The following GABRB1 variants were observed in gnomAD, a reference collection of about 807,000 sequenced individuals.
The protein encoded by GABRB1 is gamma-aminobutyric acid type A receptor subunit beta1.
GABRB1 carries 17 observed loss-of-function variants against 51.6 expected under a neutral mutation model. The observed-to-expected ratio is 0.33, with a 90% CI of 0.23 to 0.49. The LOEUF is 0.49. GABRB1 is among the 20% of genes least tolerant of loss of function. The probability of loss-of-function intolerance (pLI) is 0.99; values close to 1 mark genes in which losing one functional copy is unlikely to be tolerated. For synonymous variants in GABRB1, 247 were observed against 218.9 expected, an observed-to-expected ratio of 1.13 and a Z score of -1.14; for missense variants, 410 against 600.6, an observed-to-expected ratio of 0.68 and a Z score of 3.32.
rs548838124 is a variant in GABRB1 at position 47,266,599 on chromosome 4, G to A, written c.462-53528G>A. Among the ~76,000 whole-genome samples, 25 of 152,188 alleles carry A rather than the reference G, an allele frequency of 1.6e-4. No individual in the cohort carries two copies. The East Asian group carries it at 4.4e-3, about 27-fold the overall frequency. On this transcript the variant is annotated intron_variant, in intron 4 of 8. Coordinates refer to ENST00000295454, the MANE Select transcript of GABRB1 (RefSeq NM_000812.4). ...ATTGGTATAGTTTTGAGAGTTCCTC[G>A]TGGAATTAATTTCTACTTTATTTCA...
At chr4:47,420,943 A>ACACACAC (rs1729073225) in intron 8 of GABRB1, among the ~76,000 whole-genome samples, 2 of 140,970 alleles carry the variant, frequency 1.4e-5, no homozygotes, top group African/African-American at 5.5e-5. Context: ...TACACACACA[A>ACACACAC]ACACACACAC....
intron 4 of GABRB1, among the ~76,000 whole-genome samples, chr4:47,243,499 T>C (rs1269185339): frequency 6.6e-6 from 1 of 152,270 alleles, no homozygotes; most frequent in African/African-American, 2.4e-5. Context: ...TTTCACAATA[T>C]TGATTCTTCC....
intron 3 of GABRB1, among the ~76,000 whole-genome samples, chr4:47,056,594 G>A (rs1726615184): frequency 6.6e-6 from 1 of 152,122 alleles, no homozygotes; most frequent in Non-Finnish European, 1.5e-5. Context: ...TGGACAAACT[G>A]GTTGGGAATC....
At chr4:47,040,816 T>A (rs1434372980) in intron 3 of GABRB1, among the ~76,000 whole-genome samples, 1 of 152,132 alleles carries the variant, frequency 6.6e-6, no homozygotes, top group African/African-American at 2.4e-5. Flanking sequence ...CAGAATGGAA[T>A]AGAGTCAACT....
intron 4 of GABRB1, among the ~76,000 whole-genome samples, chr4:47,279,083 AATGGATGGATGGATGGATGGATGG>A: frequency 6.8e-6 from 1 of 147,388 alleles, no homozygotes; most frequent in South Asian, 2.2e-4. Flanking sequence ...CTTTCTTAGG[AATGGATGGATGGATGGATGGATGG>A]ATGGATGGAT....
intron 4 of GABRB1, among the ~76,000 whole-genome samples, chr4:47,281,483 T>TG (rs1056104459): frequency 6.6e-6 from 1 of 152,112 alleles, no homozygotes; most frequent in Non-Finnish European, 1.5e-5. Flanking sequence ...GGAAAATGTA[T>TG]GGGGGCTCCT....
chr4:47,027,204 T>C (rs1424292047), upstream of GABRB1, among the ~76,000 whole-genome samples: 2 of 151,594 alleles, frequency 1.3e-5, no homozygotes, highest in African/African-American at 4.8e-5. Flanking sequence ...TTGGCTAGAA[T>C]TATACCTGAA....
chr4:47,104,927 G>T (rs933936933), intron 3 of GABRB1, among the ~76,000 whole-genome samples: 1 of 151,746 alleles, frequency 6.6e-6, no homozygotes, highest in African/African-American at 2.4e-5. Flanking sequence ...ATCTATATCT[G>T]GTCCTATACA....
chr4:47,214,745 C>A (rs983862775), intron 4 of GABRB1, among the ~76,000 whole-genome samples: 2 of 152,122 alleles, frequency 1.3e-5, no homozygotes, highest in Non-Finnish European at 2.9e-5. Flanking sequence ...ATAGTATCCT[C>A]CCATCTCCCA....
At chr4:47,024,460 TA>T (rs1252827192) in intron 1 of GABRB1, among the ~76,000 whole-genome samples, 1 of 152,032 alleles carries the variant, frequency 6.6e-6, no homozygotes, top group Non-Finnish European at 1.5e-5. Flanking sequence ...ATTCGATATT[TA>T]TTCAGCTTTA....
intron 4 of GABRB1, among the ~76,000 whole-genome samples, chr4:47,318,499 C>A (rs1469047704): frequency 6.6e-6 from 1 of 151,970 alleles, no homozygotes; most frequent in Non-Finnish European, 1.5e-5. Flanking sequence ...TCACACTTCC[C>A]ACTATTAGAG....
At chr4:47,051,050 T>G (rs1215840689) in intron 3 of GABRB1, among the ~76,000 whole-genome samples, 2 of 152,108 alleles carry the variant, frequency 1.3e-5, no homozygotes, top group East Asian at 3.9e-4. Flanking sequence ...CCATTAAAAC[T>G]CATCAAAACT....
At chr4:47,129,736 C>T (rs1716325501) in intron 3 of GABRB1, among the ~76,000 whole-genome samples, 1 of 152,106 alleles carries the variant, frequency 6.6e-6, no homozygotes, top group African/African-American at 2.4e-5. Flanking sequence ...GTAGATTAGA[C>T]ATTGGTTGGG....
intron 1 of GABRB1, among the ~76,000 whole-genome samples, chr4:47,000,339 A>G: frequency 6.6e-6 from 1 of 152,240 alleles, no homozygotes; most frequent in East Asian, 1.9e-4. Flanking sequence ...CTGTTTATGT[A>G]AGCTTTATCT....
At chr4:47,113,881 AACAG>A (rs1453912871) in intron 3 of GABRB1, among the ~76,000 whole-genome samples, 1 of 152,252 alleles carries the variant, frequency 6.6e-6, no homozygotes, top group Non-Finnish European at 1.5e-5. Context: ...GTTGTTAAAT[AACAG>A]ACAGGATCCA....
intron 3 of GABRB1, among the ~76,000 whole-genome samples, chr4:47,150,935 A>G (rs145983345): frequency 6.6e-6 from 1 of 152,132 alleles, no homozygotes; most frequent in Non-Finnish European, 1.5e-5. Context: ...TTTTTAAAAT[A>G]CAAGGTGGTA....
At chr4:47,126,746 G>C (rs1339911468) in intron 3 of GABRB1, among the ~76,000 whole-genome samples, 1 of 152,020 alleles carries the variant, frequency 6.6e-6, no homozygotes, top group Non-Finnish European at 1.5e-5. Context: ...CTTGTCATTT[G>C]TTTAATGGGT....
chr4:47,012,092 G>GGTA (rs751425685), intron 1 of GABRB1, among the ~76,000 whole-genome samples: 11 of 152,002 alleles, frequency 7.2e-5, no homozygotes, highest in Non-Finnish European at 1.6e-4. Context: ...TATTGAATTT[G>GGTA]GTAGTTCATT....
At chr4:47,297,179 C>T (rs547626393) in intron 4 of GABRB1, among the ~76,000 whole-genome samples, 1 of 151,378 alleles carries the variant, frequency 6.6e-6, no homozygotes, top group Admixed American at 6.6e-5. Flanking sequence ...AATTGACACC[C>T]TAACATCACA....
Sources: gnomAD v4.1 joint callset for allele counts (sites outside exome capture counted in the v4.1 genomes callset) on GRCh38, gnomAD v4.1.1 for gene constraint, MANE v1.5 for transcripts, NCBI Gene and HGNC (gene_info 2026-07-23, HGNC 2026-07-21) for gene names.